TSPAN11: variants seen among roughly 807,000 people sequenced by gnomAD.
TSPAN11 encodes the protein tetraspanin 11.
In TSPAN11, 29 loss-of-function variants were observed where a neutral mutation model predicts 32.9. The ratio of observed to expected loss-of-function variants is 0.88; its 90% confidence interval spans 0.66 to 1.20. The LOEUF is 1.20. TSPAN11 is among the 50% of genes most tolerant of loss of function. TSPAN11 has a pLI of 0.00. For missense variants in TSPAN11, 283 were observed against 329.1 expected (o/e 0.86, Z 1.08); for synonymous variants, 140 against 141.3 (o/e 0.99, Z 0.07).
chr12:30,929,665 A>G (rs1444416589), intron 1 of TSPAN11, among the ~76,000 whole-genome samples: 2 of 152,156 alleles, frequency 1.3e-5, no homozygotes, highest in Admixed American at 6.5e-5. Flanking sequence ...TTTCTTGAGT[A>G]GTTGGCAGTG....
At chr12:30,998,015 A>G (rs1480853792), downstream of TSPAN11, among the ~76,000 whole-genome samples, 1 of 152,202 alleles carries the variant, frequency 6.6e-6, no homozygotes, top group African/African-American at 2.4e-5. Flanking sequence ...GGGCAAGGGA[A>G]TGGAGCCAGC....
At chr12:30,972,801 C>T (rs141640251) in intron 3 of TSPAN11, among the ~76,000 whole-genome samples, 145 of 141,602 alleles carry the variant, frequency 1.0e-3, no homozygotes, top group African/African-American at 3.4e-3. Flanking sequence ...AAGCCGGCTG[C>T]GCAGGGGGGA....
rs532232690 is a variant in TSPAN11, at chr12:30,958,446, C to T, written c.84+4371C>T. Among the ~76,000 whole-genome samples the T allele has an allele frequency of 4.6e-5, 7 of 152,218 alleles. No homozygotes were observed. The South Asian group carries it at 8.3e-4, about 18-fold the overall frequency. On this transcript the variant is annotated intron_variant, in intron 2 of 7. Transcript: ENST00000546076. ...AGGGTGAGCAGCAGCACCTGATGCA[C>T]GCTTTCATGTGCCCTCCTGGAGAGC...
At chr12:30,973,139 A>G (rs1592487726) in intron 3 of TSPAN11, among the ~76,000 whole-genome samples, 1 of 152,190 alleles carries the variant, frequency 6.6e-6, no homozygotes, top group African/African-American at 2.4e-5. Context: ...GTCAGAGCAC[A>G]GGTTCTGCAG....
chr12:30,999,345 AGAAAGAAAAAGAG>A (rs1939456203), downstream of TSPAN11: 1 of 152,156 alleles, frequency 6.6e-6, no homozygotes, highest in Non-Finnish European at 1.5e-5. Context: ...AAAGAAAGAA[AGAAAGAAAAAGAG>A]GAAAGAAAAG....
chr12:30,993,786 AAG>A lies in TSPAN11; in HGVS notation c.*1874_*1875del, dbSNP rs1238821545. 1 of 152,304 alleles carries A rather than the reference AAG, an allele frequency of 6.6e-6. No homozygotes were observed. Among genetic ancestry groups the A allele is most frequent in the African/African-American group, 2.4e-5 (1 of 41,462 alleles). The allele number at this position is 152,304 out of a possible 1,614,324, so 9.4% of individuals were successfully genotyped here. ...CAGAGGGAGAGTGGTGAGAGAGAGA[AAG>A]AGGGTACTGGGCTAGAGCCATGTTC... On this transcript the variant is annotated 3_prime_UTR_variant, in exon 8 of 8. Transcript: ENST00000546076.
intron 3 of TSPAN11, among the ~76,000 whole-genome samples, chr12:30,969,178 G>A (rs1938797839): frequency 6.6e-6 from 1 of 152,220 alleles, no homozygotes; most frequent in Admixed American, 6.5e-5. Context: ...TGCAGCCTGA[G>A]CTGGGCCACA....
chr12:30,928,214 G>T (rs1379918426), intron 1 of TSPAN11, among the ~76,000 whole-genome samples: 1 of 152,186 alleles, frequency 6.6e-6, no homozygotes. Context: ...CTTTAAGTCT[G>T]CCTAGAGCAC....
intron 7 of TSPAN11, among the ~76,000 whole-genome samples, chr12:30,983,983 T>G (rs61415511): frequency 0.027 from 4,104 of 152,260 alleles, 170 homozygotes; most frequent in African/African-American, 0.093. Context: ...CTCCCATTTC[T>G]CCCTGTACCC....
intron 1 of TSPAN11, among the ~76,000 whole-genome samples, chr12:30,936,857 G>C (rs1938055648): frequency 6.6e-6 from 1 of 152,150 alleles, no homozygotes; most frequent in South Asian, 2.1e-4. Context: ...GCAAAGAGGA[G>C]ACAAGAGGCA....
chr12:30,987,487 A>G (rs1190226612), intron 7 of TSPAN11, among the ~76,000 whole-genome samples: 1 of 152,110 alleles, frequency 6.6e-6, no homozygotes, highest in African/African-American at 2.4e-5. Flanking sequence ...CGCGCCTGTA[A>G]TCCCAGCTAC....
chr12:30,990,009 C>A (rs1213326399), intron 7 of TSPAN11, among the ~76,000 whole-genome samples: 3 of 152,228 alleles, frequency 2.0e-5, no homozygotes, highest in South Asian at 2.1e-4. Flanking sequence ...TGTGTGCCCC[C>A]TGTTGGCTGC....
intron 1 of TSPAN11, 111 bp downstream of exon 1, chr12:30,926,907 C>G: frequency 2.3e-6 from 3 of 1,278,056 alleles, no homozygotes; most frequent in Non-Finnish European, 3.0e-6. Context: ...CCGAGCTAGA[C>G]TGTCCCGAGC....
At chr12:30,981,123 G>A (rs1565802841) in intron 5 of TSPAN11, among the ~76,000 whole-genome samples, 1 of 152,188 alleles carries the variant, frequency 6.6e-6, no homozygotes. Flanking sequence ...AGCGAAGGCT[G>A]TGTCACTGAC....
intron 1 of TSPAN11, among the ~76,000 whole-genome samples, chr12:30,935,920 G>A (rs11051173): frequency 3.9e-4 from 59 of 152,124 alleles, no homozygotes; most frequent in African/African-American, 1.4e-3. Context: ...ACAGGAAATC[G>A]ATTAACACAT....
rs201590890 is a variant in TSPAN11 at position 30,964,064 on chromosome 12, C to A, written c.276+47C>A. On this transcript the variant is annotated intron_variant, in intron 3 of 7. Coordinates refer to ENST00000546076, the MANE Select transcript of TSPAN11 (RefSeq NM_001370302.1). ...TGCAGGGATGGGGAGCCCTGCACCA[C>A]CCAGTCAGGTTTCCAGCAAGTGAGA... The A allele has an allele frequency of 5.1e-5, 80 of 1,577,658 alleles. No homozygotes were observed. The African/African-American group carries it at 8.5e-4, about 17-fold the overall frequency.
rs1324001757 is a variant in TSPAN11, at chr12:30,978,493, T to C, written c.277-68T>C. The C allele has an allele frequency of 7.4e-6, 11 of 1,477,356 alleles. No individual in the cohort carries two copies. In the Admixed American group the frequency reaches 8.4e-5, roughly 11 times the overall value. 91.5% of individuals were successfully genotyped at this position (1,477,356 alleles called of 1,614,324 possible). A position where few individuals can be genotyped will look rare whatever the true frequency, so the allele number is the denominator to read the frequency against. ...CAGGTATCTCTACCACCCCCACCAC[T>C]GTGGGGAAACATTTGTCATAGCAGC... On this transcript the variant is annotated intron_variant, in intron 3 of 7. Coordinates refer to ENST00000546076, the MANE Select transcript of TSPAN11 (RefSeq NM_001370302.1).
intron 1 of TSPAN11, among the ~76,000 whole-genome samples, chr12:30,936,564 C>T (rs890201949): frequency 2.0e-5 from 3 of 152,174 alleles, no homozygotes; most frequent in Admixed American, 2.0e-4. Context: ...GGTGGGTTCG[C>T]AAGATGTTCA....
At chr12:30,928,705 T>C (rs544152067) in intron 1 of TSPAN11, among the ~76,000 whole-genome samples, 1 of 152,228 alleles carries the variant, frequency 6.6e-6, no homozygotes. Flanking sequence ...GCTTCTTCTT[T>C]GGTCCAAATC....
Sources: gnomAD v4.1 joint callset for allele counts (sites outside exome capture counted in the v4.1 genomes callset) on GRCh38, gnomAD v4.1.1 for gene constraint, MANE v1.5 for transcripts, NCBI Gene and HGNC (gene_info 2026-07-23, HGNC 2026-07-21) for gene names.